The following TOX2 variants were observed in gnomAD, a reference collection of about 807,000 sequenced individuals.
TOX2 encodes the protein TOX high mobility group box family member 2, also known as granulosa cell HMG box 1.
TOX2 carries 15 observed loss-of-function variants against 47.4 expected under a neutral mutation model. The observed-to-expected ratio is 0.32, with a 90% CI of 0.21 to 0.49. The LOEUF is 0.49. Ranked by LOEUF, TOX2 falls within the 20% of genes least tolerant of loss-of-function variation. The probability of loss-of-function intolerance (pLI) is 0.99; values close to 1 mark genes in which losing one functional copy is unlikely to be tolerated. For missense variants in TOX2, 622 were observed against 673.1 expected (o/e 0.92, Z 0.84); for synonymous variants, 290 against 296.6 (o/e 0.98, Z 0.23).
chr20:43,975,334 A>C (rs2070057476), intron 2 of TOX2, among the ~76,000 whole-genome samples: 1 of 152,194 alleles, frequency 6.6e-6, no homozygotes, highest in Non-Finnish European at 1.5e-5. Context: ...TAACAGTCAT[A>C]TCCTCAACAA....
chr20:43,978,481 C>T (rs1569056429), intron 2 of TOX2, among the ~76,000 whole-genome samples: 1 of 151,872 alleles, frequency 6.6e-6, no homozygotes, highest in Non-Finnish European at 1.5e-5. Context: ...CTAGCTATGA[C>T]TTATTATTTT....
intron 1 of TOX2, chr20:43,945,805 G>C: frequency 6.7e-7 from 1 of 1,486,304 alleles, no homozygotes; most frequent in Admixed American, 1.7e-5. Flanking sequence ...ATACGAATGG[G>C]ATGGGGGGTG....
intron 1 of TOX2, among the ~76,000 whole-genome samples, chr20:43,947,718 T>C (rs1166192318): frequency 1.3e-5 from 2 of 152,212 alleles, no homozygotes; most frequent in African/African-American, 4.8e-5. Context: ...CAACCGATCC[T>C]TTTAGTGTTA....
intron 1 of TOX2, among the ~76,000 whole-genome samples, chr20:43,941,383 A>C (rs2069400636): frequency 6.9e-6 from 1 of 145,614 alleles, no homozygotes; most frequent in Non-Finnish European, 1.5e-5. Context: ...CCCAGGCTGG[A>C]GTACAATGGC....
intron 1 of TOX2, among the ~76,000 whole-genome samples, chr20:43,967,779 T>G (rs573287312): frequency 6.6e-6 from 1 of 152,224 alleles, no homozygotes; most frequent in African/African-American, 2.4e-5. Flanking sequence ...AAACTTAATT[T>G]TGATGATATA....
At chr20:43,941,413 A>G (rs1156360287) in intron 1 of TOX2, among the ~76,000 whole-genome samples, 2 of 150,732 alleles carry the variant, frequency 1.3e-5, no homozygotes, top group Non-Finnish European at 2.9e-5. Flanking sequence ...GCTCACTGCA[A>G]CCTCCGCCTC....
chr20:43,977,580 G>GT (rs973743867), intron 2 of TOX2, among the ~76,000 whole-genome samples: 51 of 150,612 alleles, frequency 3.4e-4, no homozygotes, highest in East Asian at 7.8e-4. Context: ...GGCTTGAAGT[G>GT]TTTTTTTTTG....
chr20:43,960,781 A>T (rs2069745112), intron 1 of TOX2, among the ~76,000 whole-genome samples: 1 of 152,090 alleles, frequency 6.6e-6, no homozygotes, highest in Admixed American at 6.5e-5. Context: ...CTGTGTGTGC[A>T]CCTTTCGGGC....
At chr20:43,998,771 T>TATC (rs1569079530) in intron 2 of TOX2, among the ~76,000 whole-genome samples, 1 of 146,350 alleles carries the variant, frequency 6.8e-6, no homozygotes, top group Non-Finnish European at 1.5e-5. Flanking sequence ...ATCTATCTAT[T>TATC]TATTTTAAGA....
At chr20:43,933,456 G>A (rs2069281047) in intron 1 of TOX2, among the ~76,000 whole-genome samples, 3 of 152,204 alleles carry the variant, frequency 2.0e-5, no homozygotes, top group Admixed American at 2.0e-4. Flanking sequence ...TCTGGGGCGG[G>A]TCCAGAGATC....
At chr20:43,949,676 T>C (rs1332758065) in intron 1 of TOX2, among the ~76,000 whole-genome samples, 1 of 152,216 alleles carries the variant, frequency 6.6e-6, no homozygotes, top group East Asian at 1.9e-4. Context: ...TTTTACCCCT[T>C]GGACTCCTGT....
At chr20:43,966,750 T>C (rs1179368324) in intron 1 of TOX2, among the ~76,000 whole-genome samples, 1 of 136,210 alleles carries the variant, frequency 7.3e-6, no homozygotes, top group South Asian at 2.4e-4. Flanking sequence ...CAAAACTCTG[T>C]CTCAAAAAAA....
At chr20:44,016,933 A>C (rs2070889790) in intron 3 of TOX2, among the ~76,000 whole-genome samples, 1 of 152,234 alleles carries the variant, frequency 6.6e-6, no homozygotes, top group South Asian at 2.1e-4. Flanking sequence ...CAAGATTAAC[A>C]CAGAAAACCA....
intron 2 of TOX2, among the ~76,000 whole-genome samples, chr20:43,994,916 C>G (rs745878076): frequency 6.6e-6 from 1 of 152,088 alleles, no homozygotes; most frequent in East Asian, 1.9e-4. Flanking sequence ...TGGCTGGCAG[C>G]GTGGCACACT....
chr20:44,062,199 A>G (rs1397628974), intron 5 of TOX2, among the ~76,000 whole-genome samples: 1 of 152,038 alleles, frequency 6.6e-6, no homozygotes, highest in Non-Finnish European at 1.5e-5. Context: ...TGGGATTATC[A>G]TATACCTAGA....
At chr20:44,064,943 C>A in intron 6 of TOX2, 86 bp downstream of exon 6, 2 of 1,282,352 alleles carry the variant, frequency 1.6e-6, no homozygotes, top group Non-Finnish European at 2.2e-6. Context: ...GTGGGAAGGG[C>A]CGGCACCCCA....
At position 43,916,436 on chromosome 20, in the gene TOX2, A is replaced by G. The variant is rs1358893522; in HGVS notation, c.99+1446A>G. On this transcript the variant is annotated intron_variant, in intron 1 of 8. Transcript: ENST00000341197. The surrounding 1 kb of genome is among the most constrained non-coding windows in gnomAD (Gnocchi z 5.0). ...GCCAGGGGCAGCAAGCATCCAGGCCACTAGGGCCTGCGCGATGTGGGGCGG... is the reference window on the plus strand; with the variant it reads ...GCCAGGGGCAGCAAGCATCCAGGCCGCTAGGGCCTGCGCGATGTGGGGCGG... 6.6e-6 allele frequency among the ~76,000 whole-genome samples: 1 copy of G among 152,172 alleles called. No homozygotes were observed. The highest frequency in any genetic ancestry group is 2.4e-5 in the African/African-American group (1 of 41,450).
chr20:44,008,064 T>A (rs570527969), intron 3 of TOX2, among the ~76,000 whole-genome samples: 1 of 152,066 alleles, frequency 6.6e-6, no homozygotes, highest in Non-Finnish European at 1.5e-5. Flanking sequence ...AAAGAACCTT[T>A]CCCAGGTTGG....
chr20:43,940,361 A>G (rs2069386302), intron 1 of TOX2, among the ~76,000 whole-genome samples: 1 of 151,374 alleles, frequency 6.6e-6, no homozygotes, highest in Non-Finnish European at 1.5e-5. Context: ...GATTACAGGC[A>G]TGCGCCACCA....
Sources: gnomAD v4.1 joint callset for allele counts (sites outside exome capture counted in the v4.1 genomes callset) on GRCh38, gnomAD v4.1.1 for gene constraint, Gnocchi (gnomAD v3.1) non-coding constraint, MANE v1.5 for transcripts, NCBI Gene and HGNC (gene_info 2026-07-23, HGNC 2026-07-21) for gene names.